The following RAB30 variants were observed in gnomAD, a reference collection of about 807,000 sequenced individuals.
The protein encoded by RAB30 is ras-related protein Rab-30.
Under a neutral mutation model 25.1 loss-of-function variants are expected in RAB30, and 9 were observed. The ratio of observed to expected loss-of-function variants is 0.36; its 90% CI spans 0.22 to 0.63. The LOEUF (loss-of-function observed/expected upper bound fraction) is 0.63. Ranked by LOEUF, RAB30 falls within the 20% of genes least tolerant of loss-of-function variation. The pLI is 0.69. For missense variants in RAB30, 140 were observed against 243.5 expected, an observed-to-expected ratio of 0.58 and a Z score of 2.83; for synonymous variants, 77 against 86.4, an observed-to-expected ratio of 0.89 and a Z score of 0.60.
intron 1 of RAB30, among the ~76,000 whole-genome samples, chr11:83,046,206 C>T (rs1207277223): frequency 6.6e-6 from 1 of 152,210 alleles, no homozygotes; most frequent in African/African-American, 2.4e-5. Flanking sequence ...CAAACACCGT[C>T]CTGGAAAGTG....
intron 3 of RAB30, among the ~76,000 whole-genome samples, chr11:82,992,872 G>A (rs377079874): frequency 3.3e-5 from 5 of 151,978 alleles, no homozygotes; most frequent in Non-Finnish European, 7.4e-5. Flanking sequence ...TCAGCTTCCC[G>A]AGTAGCTGGG....
chr11:82,992,736 AACACACACACACAC>A (rs113845129), intron 3 of RAB30, among the ~76,000 whole-genome samples: 3 of 131,218 alleles, frequency 2.3e-5, no homozygotes, highest in East Asian at 2.2e-4. Flanking sequence ...CTCTGTCACC[AACACACACACACAC>A]ACACACACAC....
At chr11:82,991,308 A>G (rs890448703) in intron 3 of RAB30, among the ~76,000 whole-genome samples, 4 of 152,032 alleles carry the variant, frequency 2.6e-5, no homozygotes, top group Non-Finnish European at 5.9e-5. Context: ...AGTGATCAAC[A>G]TGGCAACATA....
chr11:83,061,710 CTTTTTT>C (rs569263010), intron 1 of RAB30, among the ~76,000 whole-genome samples: 3 of 79,878 alleles, frequency 3.8e-5, no homozygotes, highest in South Asian at 4.5e-4. Context: ...TCTTTCTTTT[CTTTTTT>C]TTTTTTTTTT....
At chr11:83,039,287 T>C (rs1429480673) in intron 1 of RAB30, among the ~76,000 whole-genome samples, 1 of 152,220 alleles carries the variant, frequency 6.6e-6, no homozygotes, top group East Asian at 1.9e-4. Context: ...AAAATGTCCA[T>C]CAATTTAATT....
At chr11:83,069,413 T>A (rs925566456) in intron 1 of RAB30, among the ~76,000 whole-genome samples, 1 of 152,192 alleles carries the variant, frequency 6.6e-6, no homozygotes, top group Non-Finnish European at 1.5e-5. Context: ...ACTATCACAC[T>A]CTTCCCGTTA....
At chr11:83,061,342 C>T (rs1432584070) in intron 1 of RAB30, among the ~76,000 whole-genome samples, 1 of 152,006 alleles carries the variant, frequency 6.6e-6, no homozygotes, top group Non-Finnish European at 1.5e-5. Context: ...TTAAAGGAAA[C>T]TAAAGAACAC....
chr11:83,005,627 G>C (rs1266958291), intron 1 of RAB30, among the ~76,000 whole-genome samples: 1 of 151,892 alleles, frequency 6.6e-6, no homozygotes, highest in East Asian at 1.9e-4. Flanking sequence ...AAAACTGAAG[G>C]CATAAAAGTA....
intron 1 of RAB30, among the ~76,000 whole-genome samples, chr11:83,053,603 T>C (rs1858399479): frequency 6.8e-6 from 1 of 146,784 alleles, no homozygotes; most frequent in African/African-American, 2.6e-5. Flanking sequence ...ATCTGCTCTA[T>C]GCTTCCTAAA....
chr11:83,024,790 T>C (rs1230728917), intron 1 of RAB30, among the ~76,000 whole-genome samples: 3 of 152,224 alleles, frequency 2.0e-5, no homozygotes, highest in Admixed American at 1.3e-4. Flanking sequence ...CTGCCTACGA[T>C]GTACCCCTCT....
At chr11:83,007,709 G>A (rs1322446632) in intron 1 of RAB30, among the ~76,000 whole-genome samples, 1 of 152,166 alleles carries the variant, frequency 6.6e-6, no homozygotes, top group African/African-American at 2.4e-5. Flanking sequence ...TCCCCAGGCG[G>A]GGCTAATTTG....
intron 2 of RAB30, among the ~76,000 whole-genome samples, chr11:82,996,154 T>C (rs1856953149): frequency 1.3e-5 from 2 of 152,232 alleles, no homozygotes; most frequent in Admixed American, 6.5e-5. Context: ...TATTCACTTA[T>C]CATGGGAAAA....
rs553252128 is a variant in RAB30, at chr11:82,980,837, G to A, written c.*1328C>T. 3 of 151,246 alleles carry A rather than the reference G, an allele frequency of 2.0e-5. No homozygotes were observed. Among genetic ancestry groups the A allele is most frequent in the African/African-American group, 7.3e-5 (3 of 40,848 alleles). 9.4% of individuals were successfully genotyped at this position (151,246 alleles called of 1,614,324 possible). A position where few individuals can be genotyped will look rare whatever the true frequency, so the allele number is the denominator to read the frequency against. On this transcript the variant is annotated 3_prime_UTR_variant, in exon 5 of 5. Transcript: ENST00000527633. ...GCATATAAGGATGGGAGGGAAGGAG[G>A]GAGGGAGGGAGGGAAGAAGAAAAGG...
At chr11:83,057,128 T>C (rs1310027640) in intron 1 of RAB30, among the ~76,000 whole-genome samples, 1 of 151,940 alleles carries the variant, frequency 6.6e-6, no homozygotes, top group African/African-American at 2.4e-5. Flanking sequence ...AATGTTACAC[T>C]AAGGATCTTC....
At chr11:83,048,802 G>T (rs1016521108) in intron 1 of RAB30, among the ~76,000 whole-genome samples, 4 of 152,204 alleles carry the variant, frequency 2.6e-5, no homozygotes, top group Non-Finnish European at 5.9e-5. Flanking sequence ...TGTCGTGGCT[G>T]CTCGCTGATG....
At chr11:83,056,801 T>C (rs1858467973) in intron 1 of RAB30, among the ~76,000 whole-genome samples, 1 of 152,218 alleles carries the variant, frequency 6.6e-6, no homozygotes, top group South Asian at 2.1e-4. Flanking sequence ...AATTAAATGA[T>C]ATAACATGTT....
At position 82,978,178 on chromosome 11, in the gene RAB30, A is replaced by G. The variant is rs1856576995; in HGVS notation, c.*3987T>C. On this transcript the variant is annotated 3_prime_UTR_variant, in exon 5 of 5. Transcript: ENST00000527633. ...AACATGTCAGGACCATGGTTGAGAAAAGTAACCAGTTGCAGTTAAAACAAC... is the reference window on the plus strand; with the variant it reads ...AACATGTCAGGACCATGGTTGAGAAGAGTAACCAGTTGCAGTTAAAACAAC... 1 of 152,178 alleles carries G rather than the reference A, an allele frequency of 6.6e-6. No homozygotes were observed. The allele number at this position is 152,178 out of a possible 1,614,324, so 9.4% of individuals were successfully genotyped here.
At chr11:83,038,081 G>T (rs1368931683) in intron 1 of RAB30, among the ~76,000 whole-genome samples, 1 of 152,062 alleles carries the variant, frequency 6.6e-6, no homozygotes, top group Non-Finnish European at 1.5e-5. Context: ...TTGACTGGAG[G>T]GTTAGAGAGA....
At chr11:83,032,096 G>C (rs1857877396) in intron 1 of RAB30, among the ~76,000 whole-genome samples, 1 of 152,020 alleles carries the variant, frequency 6.6e-6, no homozygotes, top group Admixed American at 6.6e-5. Flanking sequence ...TGTCCAGTGT[G>C]TGCCCACACT....
Sources: allele counts gnomAD v4.1 joint callset (sites outside exome capture counted in the v4.1 genomes callset), GRCh38; gene constraint gnomAD v4.1.1; transcripts MANE v1.5; gene names NCBI Gene and HGNC (gene_info 2026-07-23, HGNC 2026-07-21).